The following SYK variants were observed in gnomAD, a reference collection of about 807,000 sequenced individuals.
The protein encoded by SYK is tyrosine-protein kinase SYK.
In SYK, 16 loss-of-function variants were observed where a neutral mutation model predicts 77.8. That is an observed-to-expected ratio of 0.21 (90% confidence interval 0.14 to 0.31). SYK has a LOEUF of 0.31. Ranked by LOEUF, SYK falls within the 10% of genes least tolerant of loss-of-function variation. SYK has a pLI of 1.00. For synonymous variants in SYK, 312 were observed against 308.7 expected (o/e 1.01, Z -0.11); for missense variants, 529 against 814.4 (o/e 0.65, Z 4.26).
At chr9:90,808,991 C>A (rs535427862) in intron 1 of SYK, among the ~76,000 whole-genome samples, 21 of 152,332 alleles carry the variant, frequency 1.4e-4, no homozygotes, top group African/African-American at 4.3e-4. Context: ...TTTCATGTTT[C>A]TTCCCCTTCT....
Position 90,895,442 on chromosome 9 carries a change from G to A in SYK, c.1836-86G>A. The stretch of plus-strand genomic sequence containing the variant: ...TTAGCCACCAGGGAGCAGCACCACT[G>A]GTACTCAGCCTGCAGAGGCCCTGCT... On this transcript the variant is annotated intron_variant, in intron 13 of 13. Coordinates refer to ENST00000375754, the MANE Select transcript of SYK (RefSeq NM_003177.7). The surrounding 1 kb of genome is among the most constrained non-coding windows in gnomAD (Gnocchi z 4.4). The A allele has an allele frequency of 1.4e-6, 2 of 1,413,626 alleles. No homozygotes were observed. Among genetic ancestry groups the A allele is most frequent in the Non-Finnish European group, 2.0e-6 (2 of 1,007,650 alleles). 87.6% of individuals were successfully genotyped at this position (1,413,626 alleles called of 1,614,324 possible). A position where few individuals can be genotyped will look rare whatever the true frequency, so the allele number is the denominator to read the frequency against.
At chr9:90,810,967 GA>G (rs1010774265) in intron 1 of SYK, among the ~76,000 whole-genome samples, 6 of 146,710 alleles carry the variant, frequency 4.1e-5, no homozygotes, top group African/African-American at 7.5e-5. Flanking sequence ...AAATCGTTTG[GA>G]AAAAAAAACA....
chr9:90,847,813 G>A (rs567018297), intron 3 of SYK, among the ~76,000 whole-genome samples: 2 of 152,254 alleles, frequency 1.3e-5, no homozygotes, highest in Admixed American at 1.3e-4. Context: ...CACAGCACAT[G>A]TGGTCATCAC....
chr9:90,843,786 T>G, intron 1 of SYK, 72 bp from the exon 2 acceptor site: 1 of 1,220,190 alleles, frequency 8.2e-7, no homozygotes, highest in Non-Finnish European at 1.1e-6. Flanking sequence ...TTGAAAGGGT[T>G]TGAGTGGTTT....
chr9:90,817,492 TA>T (rs1369390371), intron 1 of SYK, among the ~76,000 whole-genome samples: 1 of 152,228 alleles, frequency 6.6e-6, no homozygotes, highest in Non-Finnish European at 1.5e-5. Flanking sequence ...CTTGATATAA[TA>T]GCCAACATTT....
At chr9:90,825,054 T>C (rs1172887919) in intron 1 of SYK, among the ~76,000 whole-genome samples, 2 of 150,314 alleles carry the variant, frequency 1.3e-5, no homozygotes, top group Non-Finnish European at 2.9e-5. Flanking sequence ...CTTTCCTATA[T>C]ACCAGTAGTT....
At chr9:90,884,141 ATATG>A in intron 11 of SYK, among the ~76,000 whole-genome samples, 1 of 113,760 alleles carries the variant, frequency 8.8e-6, no homozygotes. Flanking sequence ...CTACATATAT[ATATG>A]TGTGTGTGTA....
chr9:90,806,807 CAGTT>C (rs3838335), intron 1 of SYK, among the ~76,000 whole-genome samples: 17,481 of 152,196 alleles, frequency 0.11, 1,166 homozygotes, highest in Admixed American at 0.23. Flanking sequence ...TCCACTTTAA[CAGTT>C]AGCATCTATG....
At chr9:90,888,473 CT>C (rs2118976286) in intron 12 of SYK, 41 bp from the exon 13 acceptor site, 40 of 1,464,566 alleles carry the variant, frequency 2.7e-5, no homozygotes, top group Middle Eastern at 1.8e-4. Flanking sequence ...TGACTAACAC[CT>C]TTAAAAAAAA....
chr9:90,881,442 G>T (rs1478166827), intron 11 of SYK, among the ~76,000 whole-genome samples: 1 of 152,158 alleles, frequency 6.6e-6, no homozygotes, highest in East Asian at 1.9e-4. Flanking sequence ...CACTTTGGGA[G>T]GCTGAGGTGG....
intron 4 of SYK, among the ~76,000 whole-genome samples, chr9:90,863,185 G>A (rs1827343576): frequency 6.6e-6 from 1 of 152,122 alleles, no homozygotes; most frequent in Non-Finnish European, 1.5e-5. Flanking sequence ...AACCGTAACA[G>A]TACTTCGTGC....
rs137969807 is a variant in SYK, at chr9:90,874,402, C to A, written c.1003+111C>A. 950 of 1,113,776 alleles carry A rather than the reference C, an allele frequency of 8.5e-4. 15 individuals carry two copies. In the African/African-American group the frequency reaches 0.013, roughly 15 times the overall value. The allele number at this position is 1,113,776 out of a possible 1,614,324, so 69.0% of individuals were successfully genotyped here. On this transcript the variant is annotated intron_variant, in intron 8 of 13. Coordinates refer to ENST00000375754, the MANE Select transcript of SYK (RefSeq NM_003177.7). ...ACCACGTCCGTGATTGCAATACAGC[C>A]ACAGTTAGCCATGGAAACACTCACA...
chr9:90,852,461 A>C (rs1030458286), intron 3 of SYK, among the ~76,000 whole-genome samples: 4 of 152,346 alleles, frequency 2.6e-5, no homozygotes, highest in South Asian at 4.1e-4. Flanking sequence ...TTCATCTTAT[A>C]AATGATCTTA....
At chr9:90,854,169 G>C (rs1193282678) in intron 3 of SYK, among the ~76,000 whole-genome samples, 1 of 152,226 alleles carries the variant, frequency 6.6e-6, no homozygotes, top group Non-Finnish European at 1.5e-5. Context: ...TGGCCGGGTG[G>C]TGGAGGGATT....
At chr9:90,825,259 A>G (rs1825634320) in intron 1 of SYK, among the ~76,000 whole-genome samples, 2 of 152,250 alleles carry the variant, frequency 1.3e-5, no homozygotes, top group Non-Finnish European at 2.9e-5. Context: ...ATGTTCGTAC[A>G]TTGGAAGACT....
chr9:90,883,931 C>G (rs1434910292), intron 11 of SYK, among the ~76,000 whole-genome samples: 1 of 152,120 alleles, frequency 6.6e-6, no homozygotes, highest in Non-Finnish European at 1.5e-5. Context: ...CAGGCATACT[C>G]AGCTCACTGC....
intron 11 of SYK, among the ~76,000 whole-genome samples, chr9:90,886,176 G>T (rs184547457): frequency 6.6e-6 from 1 of 152,230 alleles, no homozygotes; most frequent in East Asian, 1.9e-4. Flanking sequence ...CTCAAAAGAA[G>T]ATATACAAAT....
intron 3 of SYK, among the ~76,000 whole-genome samples, chr9:90,852,966 G>A (rs1473946319): frequency 1.3e-5 from 2 of 152,094 alleles, no homozygotes; most frequent in East Asian, 1.9e-4. Flanking sequence ...CCTCCACCAC[G>A]ACACTGGGCC....
chr9:90,828,287 G>A (rs1825748193), intron 1 of SYK, among the ~76,000 whole-genome samples: 1 of 139,602 alleles, frequency 7.2e-6, no homozygotes, highest in African/African-American at 2.7e-5. Context: ...AAAGGATCTT[G>A]GGATGGGTAC....
Sources: allele counts gnomAD v4.1 joint callset (sites outside exome capture counted in the v4.1 genomes callset), GRCh38; gene constraint gnomAD v4.1.1; non-coding constraint Gnocchi (gnomAD v3.1); transcripts MANE v1.5; gene names NCBI Gene and HGNC (gene_info 2026-07-23, HGNC 2026-07-21).